Variants in GPR78 observed in about 807,000 individuals in gnomAD.
GPR78 encodes G protein-coupled receptor 78.
Under a neutral mutation model 17.9 loss-of-function variants are expected in GPR78, and 29 were observed. That is an observed-to-expected ratio of 1.62 (90% CI 1.20 to 2.21). The LOEUF is 2.21. Among genes scored for constraint, GPR78 ranks in the 30% most tolerant of loss-of-function variants. GPR78 has a pLI of 0.00. For missense variants in GPR78, 649 were observed against 530.5 expected, an observed-to-expected ratio of 1.22 and a Z score of -2.19; for synonymous variants, 349 against 256.9, an observed-to-expected ratio of 1.36 and a Z score of -3.43.
intron 2 of GPR78, 101 bp from the exon 3 acceptor site, chr4:8,586,953 C>A: frequency 9.9e-7 from 1 of 1,011,708 alleles, no homozygotes; most frequent in Non-Finnish European, 1.5e-6. Context: ...ATCAGGGCTG[C>A]GGTACGTACT....
chr4:8,582,369 C>G (rs774209034), intron 1 of GPR78, among the ~76,000 whole-genome samples, 162 bp from the exon 2 acceptor site: 1 of 152,130 alleles, frequency 6.6e-6, no homozygotes, highest in East Asian at 1.9e-4. Flanking sequence ...CAAGCCTACC[C>G]CTTGTTCTTT....
intron 1 of GPR78, 138 bp from the exon 2 acceptor site, chr4:8,582,393 C>T (rs1560281102): frequency 3.4e-6 from 2 of 594,198 alleles, no homozygotes; most frequent in Admixed American, 2.8e-5. Context: ...TCTCCCCCAT[C>T]CCTCTGTCCT....
At position 8,585,279 on chromosome 4, in the gene GPR78, C is replaced by T. The variant is rs189539442; in HGVS notation, c.783-1775C>T. 4.0e-3 allele frequency among the ~76,000 whole-genome samples: 608 copies of T among 152,304 alleles called. 3 individuals carry two copies. The highest frequency in any genetic ancestry group is 6.3e-3 in the Non-Finnish European group (429 of 68,028). ...GCAGGGTCATGGCTGGTAGTTGATA[C>T]ATGAGTTCTGGTCCCATTGTGGCTC... On this transcript the variant is annotated intron_variant, in intron 2 of 2. Transcript: ENST00000382487.
At chr4:8,584,098 T>A (rs1349288181) in intron 2 of GPR78, among the ~76,000 whole-genome samples, 1 of 152,188 alleles carries the variant, frequency 6.6e-6, no homozygotes, top group Non-Finnish European at 1.5e-5. Flanking sequence ...CACACATGCA[T>A]GTGTGTATTC....
chr4:8,585,719 C>T (rs1450071723), intron 2 of GPR78, among the ~76,000 whole-genome samples: 2 of 152,066 alleles, frequency 1.3e-5, no homozygotes, highest in African/African-American at 4.8e-5. Context: ...CTGGCTGTGC[C>T]CCTCACCTTC....
At chr4:8,584,282 C>T (rs1713412851) in intron 2 of GPR78, among the ~76,000 whole-genome samples, 1 of 152,196 alleles carries the variant, frequency 6.6e-6, no homozygotes, top group African/African-American at 2.4e-5. Flanking sequence ...ATGCCCTGAA[C>T]ATGTATGTGA....
In GPR78 at chr4:8,588,006, G is replaced by A. The variant is rs1283770351; in HGVS notation, c.*643G>A. 1.3e-5 allele frequency among the ~76,000 whole-genome samples: 2 copies of A among 152,232 alleles called. No homozygotes were observed. Among genetic ancestry groups the A allele is most frequent in the East Asian group, 3.9e-4 (2 of 5,184 alleles). On this transcript the variant is annotated 3_prime_UTR_variant, in exon 3 of 3. Transcript: ENST00000382487. ...CTGTCCGCTGTGACTGCCTGTGTGG[G>A]CACGCAGATGGAGCCTGTCTCCTGC...
rs1367697474 is a variant in GPR78, at chr4:8,581,343, C to A, written c.361C>A (p.Arg121Ser). 6.3e-7 allele frequency: 1 copy of A among 1,577,460 alleles called. No homozygotes were observed. The highest frequency in any genetic ancestry group is 8.6e-7 in the Non-Finnish European group (1 of 1,167,830). ...PLRYAGRLRP[R>S]YAGLLLGCAW... ...GCGCTACGCCGGACGCCTGCGACCG[C>A]GCTATGCCGGCCTGCTGCTGGGCTG... Residue 121 changes from arginine to serine, a missense_variant, in exon 1 of 3, where the codon CGC (arginine) becomes AGC (serine). Arg to Ser is a moderately radical substitution (Grantham distance 110, BLOSUM62 -1). Coordinates refer to ENST00000382487, the MANE Select transcript of GPR78 (RefSeq NM_080819.5).
In GPR78 at chr4:8,588,680, T is replaced by C. The variant is rs1320217029; in HGVS notation, c.*1317T>C. ...CGTGGGCTCTTGCAGGCATGGAGCCTGTATCATGACACCTTACACCCAAGG... is the reference window on the plus strand; with the variant it reads ...CGTGGGCTCTTGCAGGCATGGAGCCCGTATCATGACACCTTACACCCAAGG... On this transcript the variant is annotated 3_prime_UTR_variant, in exon 3 of 3. Coordinates refer to ENST00000382487, the MANE Select transcript of GPR78 (RefSeq NM_080819.5). Among the ~76,000 whole-genome samples the C allele has an allele frequency of 1.3e-5, 2 of 152,212 alleles. No individual in the cohort carries two copies. The highest frequency in any genetic ancestry group is 3.9e-4 in the East Asian group (2 of 5,182).
At chr4:8,584,729 A>C (rs1198012285) in intron 2 of GPR78, among the ~76,000 whole-genome samples, 3 of 152,240 alleles carry the variant, frequency 2.0e-5, no homozygotes, top group Non-Finnish European at 4.4e-5. Context: ...ACCGAATCAG[A>C]ACCTCACTCC....
chr4:8,585,183 C>CG (rs1331861930), intron 2 of GPR78, among the ~76,000 whole-genome samples: 1 of 152,048 alleles, frequency 6.6e-6, no homozygotes, highest in Admixed American at 6.6e-5. Flanking sequence ...CTACTGGAGA[C>CG]GGGGGAGGGC....
chr4:8,587,024 G>A (rs200968311), intron 2 of GPR78, 30 bp from the exon 3 acceptor site: 1 of 1,598,044 alleles, frequency 6.3e-7, no homozygotes, highest in Non-Finnish European at 8.5e-7. Context: ...TGTCACTGTG[G>A]CTGAGTTAGC....
At chr4:8,586,926 C>T (rs568089183) in intron 2 of GPR78, 128 bp from the exon 3 acceptor site, 1 of 777,642 alleles carries the variant, frequency 1.3e-6, no homozygotes, top group East Asian at 2.7e-5. Flanking sequence ...TGGTGCAGAG[C>T]CCCCTGGCTA....
rs1475552247 is a variant in GPR78, at chr4:8,588,849, C to T, written c.*1486C>T. ...GGCTTCACAGATTCTTCCCCAAAAACACAGGTGTTATTATTATACTTTTAA... is the reference window on the plus strand; with the variant it reads ...GGCTTCACAGATTCTTCCCCAAAAATACAGGTGTTATTATTATACTTTTAA... On this transcript the variant is annotated 3_prime_UTR_variant, in exon 3 of 3. Transcript: ENST00000382487. Among the ~76,000 whole-genome samples, 1 of 152,232 alleles carries T rather than the reference C, an allele frequency of 6.6e-6. No homozygotes were observed. Among genetic ancestry groups the T allele is most frequent in the African/African-American group, 2.4e-5 (1 of 41,454 alleles).
intron 2 of GPR78, among the ~76,000 whole-genome samples, chr4:8,586,187 A>G (rs944007564): frequency 1.3e-5 from 2 of 151,990 alleles, no homozygotes; most frequent in Non-Finnish European, 2.9e-5. Flanking sequence ...CATGGCCCCT[A>G]CCCTAGGCTG....
Position 8,589,562 on chromosome 4 carries a change from C to G in GPR78, c.*2199C>G, listed in dbSNP as rs569589449. Among the ~76,000 whole-genome samples the G allele has an allele frequency of 1.2e-3, 185 of 152,372 alleles. No individual in the cohort carries two copies. Among genetic ancestry groups the G allele is most frequent in the Non-Finnish European group, 1.9e-3 (126 of 68,042 alleles). The stretch of plus-strand genomic sequence containing the variant: ...AAAGTTCTGGAGCCCAGGCTGTGAG[C>G]TCCTTGGCTGAGCCCTCTCCTGTCC... On this transcript the variant is annotated 3_prime_UTR_variant, in exon 3 of 3. Transcript: ENST00000382487.
At position 8,581,660 on chromosome 4, in the gene GPR78, C is replaced by T. The variant is rs770952995; in HGVS notation, c.668+10C>T. On this transcript the variant is annotated intron_variant, in intron 1 of 2. Coordinates refer to ENST00000382487, the MANE Select transcript of GPR78 (RefSeq NM_080819.5). ...CCGACCTGCACCCCAGGTATTGGCC[C>T]AGTGCATGCCGACAGGCCCAGGCCA... 1.4e-6 allele frequency: 2 copies of T among 1,445,348 alleles called. No individual in the cohort carries two copies. Among genetic ancestry groups the T allele is most frequent in the Non-Finnish European group, 1.8e-6 (2 of 1,103,582 alleles). The allele number at this position is 1,445,348 out of a possible 1,614,324, so 89.5% of individuals were successfully genotyped here.
At chr4:8,584,943 T>A (rs1713438908) in intron 2 of GPR78, among the ~76,000 whole-genome samples, 1 of 152,268 alleles carries the variant, frequency 6.6e-6, no homozygotes, top group Non-Finnish European at 1.5e-5. Context: ...TCTGTGGACA[T>A]CTAGAAGGTG....
In GPR78 at chr4:8,587,039, C is replaced by T. The variant is rs1195533668; in HGVS notation, c.783-15C>T. The T allele has an allele frequency of 6.2e-6, 10 of 1,606,900 alleles. No homozygotes were observed. The African/African-American group carries it at 1.3e-4, about 21-fold the overall frequency. On this transcript the variant is annotated splice_polypyrimidine_tract_variant and intron_variant, in intron 2 of 2. Coordinates refer to ENST00000382487, the MANE Select transcript of GPR78 (RefSeq NM_080819.5). Reference sequence around the variant, plus strand: ...TGTCACTGTGGCTGAGTTAGCTGCTCCGCTTCCCCAACAGGCTGGCGGAGC... The same window carrying T: ...TGTCACTGTGGCTGAGTTAGCTGCTTCGCTTCCCCAACAGGCTGGCGGAGC...
Sources: gnomAD v4.1 joint callset for allele counts (sites outside exome capture counted in the v4.1 genomes callset) on GRCh38, gnomAD v4.1.1 for gene constraint, MANE v1.5 for transcripts, NCBI Gene and HGNC (gene_info 2026-07-23, HGNC 2026-07-21) for gene names.